TSHR: variants seen among roughly 807,000 people sequenced by gnomAD.
TSHR encodes the protein thyroid stimulating hormone receptor, also known as thyrotropin receptor.
In TSHR, 51 loss-of-function variants were observed where a neutral mutation model predicts 64.1. The ratio of observed to expected loss-of-function variants is 0.80; its 90% CI spans 0.64 to 1.01. TSHR has a LOEUF of 1.01. Among genes scored for constraint, TSHR ranks in the 50% least tolerant of loss-of-function variants. The probability of loss-of-function intolerance (pLI) is 0.00; values close to 1 mark genes in which losing one functional copy is unlikely to be tolerated. For missense variants in TSHR, 877 were observed against 942.8 expected, an observed-to-expected ratio of 0.93 and a Z score of 0.91; for synonymous variants, 361 against 361.9, an observed-to-expected ratio of 1.00 and a Z score of 0.03.
chr14:80,955,731 G>T lies in TSHR; in HGVS notation c.51G>T (p.Arg17Ser). 1 of 1,614,160 alleles carries T rather than the reference G, an allele frequency of 6.2e-7. No homozygotes were observed. Among genetic ancestry groups the T allele is most frequent in the Non-Finnish European group, 8.5e-7 (1 of 1,180,030 alleles). ...TGGTGCTGCTGCTCGACCTGCCCAG[G>T]GACCTGGGCGGAATGGGGTGTTCGT... ...LQLVLLLDLP[R>S]DLGGMGCSSP... is the part of the protein sequence containing the mutation. The change falls in exon 1 of 10, where the codon AGG becomes AGT. Residue 17 changes from arginine (R) to serine (S), a missense_variant. By Grantham distance (110) the Arg-to-Ser change is moderately radical. Coordinates refer to ENST00000298171, the MANE Select transcript of TSHR (RefSeq NM_000369.5).
At chr14:81,024,759 C>G (rs768785840) in intron 1 of TSHR, among the ~76,000 whole-genome samples, 2 of 152,158 alleles carry the variant, frequency 1.3e-5, no homozygotes, top group Non-Finnish European at 2.9e-5. Context: ...AGACCTCCAT[C>G]TATGGTAAAC....
chr14:81,021,989 G>A (rs968426062), intron 1 of TSHR, among the ~76,000 whole-genome samples: 6 of 152,046 alleles, frequency 3.9e-5, no homozygotes, highest in African/African-American at 1.2e-4. Context: ...TCGGCCGCGT[G>A]CGGTGGCTCA....
chr14:80,981,287 A>C (rs573318966), intron 1 of TSHR, among the ~76,000 whole-genome samples: 1 of 152,256 alleles, frequency 6.6e-6, no homozygotes, highest in South Asian at 2.1e-4. Context: ...CAAAACACAC[A>C]AGTTTATGGG....
In TSHR at chr14:81,143,715, G is replaced by T. The variant is rs121908872; in HGVS notation, c.1657G>T (p.Ala553Ser). ...VGGWVCCFLL[A>S]LLPLVGISSY... is the part of the protein sequence containing the mutation. ...GGGCTGGGTTTGCTGCTTCCTTCTC[G>T]CCCTGCTTCCTTTGGTGGGAATAAG... Residue 553 changes from alanine (A) to serine (S), a missense_variant, in exon 10 of 10, where the codon GCC becomes TCC. Transcript: ENST00000298171. 3.7e-6 allele frequency: 6 copies of T among 1,613,904 alleles called. No homozygotes were observed. The highest frequency in any genetic ancestry group is 4.2e-6 in the Non-Finnish European group (5 of 1,180,028).
chr14:81,062,289 A>T, intron 2 of TSHR, 70 bp downstream of exon 2: 3 of 1,174,546 alleles, frequency 2.6e-6, no homozygotes, highest in Non-Finnish European at 3.8e-6. Flanking sequence ...TTCTATCAAG[A>T]AAAATACTTG....
intron 8 of TSHR, among the ~76,000 whole-genome samples, chr14:81,116,803 G>A (rs1372959542): frequency 1.3e-5 from 2 of 151,008 alleles, no homozygotes; most frequent in Non-Finnish European, 2.9e-5. Flanking sequence ...CTCAGCAAAT[G>A]TAAAAGAACA....
At chr14:81,140,049 G>A (rs943428049) in intron 9 of TSHR, among the ~76,000 whole-genome samples, 182 bp downstream of exon 9, 1 of 152,212 alleles carries the variant, frequency 6.6e-6, no homozygotes, top group Non-Finnish European at 1.5e-5. Flanking sequence ...GGGTGCAGCT[G>A]AGAAATAAGG....
chr14:80,996,543 G>A (rs980149735), intron 1 of TSHR, among the ~76,000 whole-genome samples: 5 of 152,152 alleles, frequency 3.3e-5, no homozygotes, highest in African/African-American at 1.2e-4. Context: ...AGTGTACAGG[G>A]AGTCTAGTTA....
chr14:81,075,309 AG>A (rs2139931492), intron 3 of TSHR, among the ~76,000 whole-genome samples: 1 of 152,318 alleles, frequency 6.6e-6, no homozygotes, highest in East Asian at 1.9e-4. Flanking sequence ...TATTCTGGTT[AG>A]GGGGCTGCCC....
At chr14:81,113,033 A>G (rs769206339) in intron 8 of TSHR, among the ~76,000 whole-genome samples, 1 of 152,188 alleles carries the variant, frequency 6.6e-6, no homozygotes, top group Non-Finnish European at 1.5e-5. Flanking sequence ...CATTTTGAGC[A>G]TAGGTGTGTC....
At chr14:81,033,075 C>T (rs1884431956) in intron 1 of TSHR, 1 of 363,030 alleles carries the variant, frequency 2.8e-6, no homozygotes, top group African/African-American at 2.2e-5. Context: ...TCATGGCAGA[C>T]TATGGGCTCA....
chr14:81,085,654 T>C (rs915467766), intron 3 of TSHR, among the ~76,000 whole-genome samples: 2 of 152,208 alleles, frequency 1.3e-5, no homozygotes, highest in Non-Finnish European at 2.9e-5. Context: ...GCATTTTCTT[T>C]CACTCTGACG....
chr14:80,982,193 G>A (rs988515283), intron 1 of TSHR: 21 of 585,804 alleles, frequency 3.6e-5, no homozygotes, highest in African/African-American at 3.5e-4. Context: ...TCGGTGCTGA[G>A]ATGAAGGAAG....
At chr14:81,087,872 A>ATTGTTTCTC (rs758169938) in intron 3 of TSHR, 82 bp from the exon 4 acceptor site, 1 of 1,156,556 alleles carries the variant, frequency 8.6e-7, no homozygotes, top group Non-Finnish European at 1.3e-6. Flanking sequence ...AACGTTTGTT[A>ATTGTTTCTC]AAACTGATTT....
At chr14:81,142,904 C>G (rs773446731) in intron 9 of TSHR, 36 bp from the exon 10 acceptor site, 1 of 1,600,124 alleles carries the variant, frequency 6.2e-7, no homozygotes, top group Non-Finnish European at 8.6e-7. Context: ...GCCACTGCGC[C>G]CAGCCTGGCA....
intron 4 of TSHR, 115 bp from the exon 5 acceptor site, chr14:81,090,954 A>T: frequency 1.2e-6 from 1 of 854,088 alleles, no homozygotes. Context: ...TGGGAGTTTG[A>T]CTACAGGTTG....
chr14:81,146,065 G>C lies in TSHR; in HGVS notation c.*1712G>C, dbSNP rs944061295. 8.7e-6 allele frequency: 2 copies of C among 230,334 alleles called. No individual in the cohort carries two copies. The highest frequency in any genetic ancestry group is 4.4e-5 in the African/African-American group (2 of 45,184). The allele number at this position is 230,334 out of a possible 1,614,324, so 14.3% of individuals were successfully genotyped here. ...AAATATTATAAACATCGAAAATCAT[G>C]ACTTACCTAGAAGTTCGCTTGTAAC... On this transcript the variant is annotated 3_prime_UTR_variant, in exon 10 of 10. Coordinates refer to ENST00000298171, the MANE Select transcript of TSHR (RefSeq NM_000369.5).
chr14:81,094,524 G>C (rs1303412285), intron 6 of TSHR, among the ~76,000 whole-genome samples: 1 of 152,070 alleles, frequency 6.6e-6, no homozygotes, highest in East Asian at 1.9e-4. Context: ...CATGTTAGTA[G>C]CTGGAATTAA....
intron 8 of TSHR, among the ~76,000 whole-genome samples, chr14:81,132,692 G>A (rs935814670): frequency 3.9e-5 from 6 of 152,158 alleles, no homozygotes; most frequent in Admixed American, 6.5e-5. Flanking sequence ...TTCTCATGGA[G>A]TTCAATGCCC....
Sources: allele counts gnomAD v4.1 joint callset (sites outside exome capture counted in the v4.1 genomes callset), GRCh38; gene constraint gnomAD v4.1.1; transcripts MANE v1.5; gene names NCBI Gene and HGNC (gene_info 2026-07-23, HGNC 2026-07-21).